INPP4B: variants seen among roughly 807,000 people sequenced by gnomAD.
INPP4B encodes the protein inositol polyphosphate 4-phosphatase type II.
INPP4B carries 55 observed loss-of-function variants against 122.5 expected under a neutral mutation model. That is an observed-to-expected ratio of 0.45 (90% CI 0.36 to 0.56). The LOEUF is 0.56. INPP4B is among the 20% of genes least tolerant of loss of function. The probability of loss-of-function intolerance (pLI) is 0.00; values close to 1 mark genes in which losing one functional copy is unlikely to be tolerated. For missense variants in INPP4B, 1,000 were observed against 1,097.7 expected, an observed-to-expected ratio of 0.91 and a Z score of 1.26; for synonymous variants, 403 against 388.7, an observed-to-expected ratio of 1.04 and a Z score of -0.43.
chr4:142,483,557 G>A (rs1399204664), intron 2 of INPP4B, among the ~76,000 whole-genome samples: 1 of 151,978 alleles, frequency 6.6e-6, no homozygotes, highest in Admixed American at 6.6e-5. Context: ...CTTTATGGAT[G>A]CATGTAGAGC....
At chr4:142,131,728 G>C (rs1801358969) in intron 18 of INPP4B, among the ~76,000 whole-genome samples, 1 of 152,230 alleles carries the variant, frequency 6.6e-6, no homozygotes, top group South Asian at 2.1e-4. Flanking sequence ...GGCCAAGGCA[G>C]GCGGATCACC....
intron 11 of INPP4B, among the ~76,000 whole-genome samples, chr4:142,258,120 T>C (rs1737437153): frequency 6.6e-6 from 1 of 151,522 alleles, no homozygotes; most frequent in Admixed American, 6.6e-5. Context: ...CCCTATTTAA[T>C]AAATGGTGCT....
chr4:142,192,238 T>C (rs1836195799), intron 15 of INPP4B, among the ~76,000 whole-genome samples: 2 of 142,878 alleles, frequency 1.4e-5, no homozygotes, highest in Non-Finnish European at 3.0e-5. Context: ...GGTGGCAAAA[T>C]AACCTGTACA....
intron 5 of INPP4B, among the ~76,000 whole-genome samples, chr4:142,425,901 A>C (rs1386209885): frequency 1.3e-5 from 2 of 151,926 alleles, no homozygotes; most frequent in Non-Finnish European, 2.9e-5. Flanking sequence ...ATCAACCCCA[A>C]AGCTTGTTGA....
In INPP4B at chr4:142,453,110, T is replaced by C. The variant is rs191710724; in HGVS notation, c.-127+9553A>G. On this transcript the variant is annotated intron_variant, in intron 3 of 25. Transcript: ENST00000262992. ...AAATACAGTGACTTCTAGCATCCTA[T>C]CTCAGGAAGCAGAAATACATAAAGA... is the stretch of plus-strand genomic sequence containing the variant. 3.7e-4 allele frequency among the ~76,000 whole-genome samples: 56 copies of C among 152,246 alleles called. 1 individual carries two copies. The highest frequency in any genetic ancestry group is 1.2e-3 in the African/African-American group (50 of 41,546).
At chr4:142,159,831 G>A (rs1004191531) in intron 17 of INPP4B, among the ~76,000 whole-genome samples, 1 of 151,624 alleles carries the variant, frequency 6.6e-6, no homozygotes, top group Non-Finnish European at 1.5e-5. Flanking sequence ...ATCATTTTAT[G>A]AGGCCATTCT....
chr4:142,694,542 A>G lies in INPP4B; in HGVS notation c.-191+31297T>C, dbSNP rs185119506. On this transcript the variant is annotated intron_variant, in intron 2 of 25. Transcript: ENST00000262992. ...TTGGTCAAAACTGGTCAGGCAGGTC[A>G]GATACTGTCTTTGCTACTTGTTTGA... Among the ~76,000 whole-genome samples, 215 of 152,284 alleles carry G rather than the reference A, an allele frequency of 1.4e-3. 2 individuals carry two copies. The highest frequency in any genetic ancestry group is 1.1e-3 in the Non-Finnish European group (75 of 68,016).
chr4:142,725,838 C>A lies in INPP4B; in HGVS notation c.-191+1G>T. 2.5e-6 allele frequency: 1 copy of A among 397,886 alleles called. No homozygotes were observed. The highest frequency in any genetic ancestry group is 3.6e-5 in the East Asian group (1 of 27,954). The allele number at this position is 397,886 out of a possible 1,614,324, so 24.6% of individuals were successfully genotyped here. A position where few individuals can be genotyped will look rare whatever the true frequency, so the allele number is the denominator to read the frequency against. ...AAATATCAATTCAAAATAAGCATTACCTTTGTCTAATTTTTCATAAAAGAC... is the reference window on the plus strand; with the variant it reads ...AAATATCAATTCAAAATAAGCATTAACTTTGTCTAATTTTTCATAAAAGAC... On this transcript the variant is annotated splice_donor_variant, in intron 2 of 25. Coordinates refer to ENST00000262992, the MANE Select transcript of INPP4B (RefSeq NM_001101669.3). LOFTEE classifies it low-confidence loss of function (5UTR_SPLICE).
chr4:142,496,258 T>C (rs1822553857), intron 2 of INPP4B, among the ~76,000 whole-genome samples: 1 of 152,160 alleles, frequency 6.6e-6, no homozygotes, highest in South Asian at 2.1e-4. Context: ...TTTTGCATGT[T>C]CATATTCATT....
At chr4:142,380,511 A>T (rs1793713764) in intron 7 of INPP4B, among the ~76,000 whole-genome samples, 1 of 152,168 alleles carries the variant, frequency 6.6e-6, no homozygotes, top group Admixed American at 6.5e-5. Flanking sequence ...AATCTTCAAG[A>T]TGCAAAAGAG....
intron 9 of INPP4B, among the ~76,000 whole-genome samples, chr4:142,299,993 G>A (rs1760710778): frequency 6.6e-6 from 1 of 152,146 alleles, no homozygotes; most frequent in Non-Finnish European, 1.5e-5. Flanking sequence ...CATGCTTAAA[G>A]TAAGAAGACA....
intron 7 of INPP4B, among the ~76,000 whole-genome samples, chr4:142,369,841 G>T (rs1789136449): frequency 6.7e-6 from 1 of 148,754 alleles, no homozygotes; most frequent in Non-Finnish European, 1.5e-5. Context: ...TGAGGCAGAA[G>T]AATTGCTTGA....
chr4:142,270,729 G>A lies in INPP4B; in HGVS notation c.549C>T (p.Val183=), dbSNP rs773102037. ...GKVVGTIEVS[V]VKMGEIEDGE... ...CATCCTCAATCTCCCCCATCTTCAC[G>A]ACACTGACTTCTATGGTGCCAACCA... The change falls in exon 10 of 26, where the codon GTC becomes GTT. Residue 183 remains valine, a synonymous_variant. Transcript: ENST00000262992. The A allele has an allele frequency of 2.2e-5, 36 of 1,613,750 alleles. No individual in the cohort carries two copies. The highest frequency in any genetic ancestry group is 1.6e-4 in the Middle Eastern group (1 of 6,084).
chr4:142,503,341 A>G (rs1469461252), intron 2 of INPP4B, among the ~76,000 whole-genome samples: 2 of 152,200 alleles, frequency 1.3e-5, no homozygotes, highest in Non-Finnish European at 2.9e-5. Context: ...TTGAAGCAAG[A>G]TAAATATTTT....
chr4:142,101,428 C>A (rs147257363), intron 23 of INPP4B, among the ~76,000 whole-genome samples: 2 of 152,076 alleles, frequency 1.3e-5, no homozygotes, highest in Non-Finnish European at 2.9e-5. Flanking sequence ...CAATTCTCAT[C>A]GTTAGATAAA....
Position 142,083,925 on chromosome 4 carries a change from C to T in INPP4B, c.2488-1740G>A, listed in dbSNP as rs578154338. On this transcript the variant is annotated intron_variant, in intron 24 of 25. Coordinates refer to ENST00000262992, the MANE Select transcript of INPP4B (RefSeq NM_001101669.3). ...ATTGTTACTATCATATGCACTTGTC[C>T]TACTTAGAATATTTAATGTTCTAAA... 8.6e-5 allele frequency among the ~76,000 whole-genome samples: 13 copies of T among 151,942 alleles called. No individual in the cohort carries two copies. The South Asian group carries it at 2.7e-3, about 32-fold the overall frequency.
intron 18 of INPP4B, among the ~76,000 whole-genome samples, chr4:142,134,045 A>C (rs569181384): frequency 1.3e-5 from 2 of 152,226 alleles, no homozygotes; most frequent in South Asian, 4.1e-4. Context: ...TTGCTACTAG[A>C]GCATAAACTT....
At chr4:142,811,031 C>G (rs1779452128) in intron 1 of INPP4B, among the ~76,000 whole-genome samples, 1 of 152,190 alleles carries the variant, frequency 6.6e-6, no homozygotes, top group Non-Finnish European at 1.5e-5. Flanking sequence ...TTTTTCTGCA[C>G]TGGTTGTTAA....
At chr4:142,066,303 T>G (rs755714829) in intron 25 of INPP4B, among the ~76,000 whole-genome samples, 36 of 152,046 alleles carry the variant, frequency 2.4e-4, no homozygotes, top group Non-Finnish European at 3.1e-4. Context: ...TTTAAATGGG[T>G]GGGTGTTATA....
Sources: gnomAD v4.1 joint callset for allele counts (sites outside exome capture counted in the v4.1 genomes callset) on GRCh38, gnomAD v4.1.1 for gene constraint, MANE v1.5 for transcripts, NCBI Gene and HGNC (gene_info 2026-07-23, HGNC 2026-07-21) for gene names.